Variants in HPF1 observed in about 807,000 individuals in gnomAD.
HPF1 encodes UPF0609 protein C4orf27.
In HPF1, 35 loss-of-function variants were observed where a neutral mutation model predicts 38.8. The observed-to-expected ratio is 0.90, with a 90% confidence interval of 0.69 to 1.19. HPF1 has a LOEUF of 1.19. HPF1 is among the 50% of genes most tolerant of loss of function. The pLI, the probability that HPF1 is intolerant of heterozygous loss-of-function variation, is 0.00. For synonymous variants in HPF1, 115 were observed against 139.2 expected, an observed-to-expected ratio of 0.83 and a Z score of 1.22; for missense variants, 367 against 405.8, an observed-to-expected ratio of 0.90 and a Z score of 0.82.
chr4:169,740,566 T>A (rs1430952352), intron 5 of HPF1, among the ~76,000 whole-genome samples: 1 of 152,154 alleles, frequency 6.6e-6, no homozygotes, highest in Non-Finnish European at 1.5e-5. Flanking sequence ...TCAATGAAGA[T>A]CTCACAAAAA....
chr4:169,757,849 G>A lies in HPF1; in HGVS notation c.29C>T (p.Pro10Leu), dbSNP rs747837401. Residue 10 changes from proline to leucine, a missense_variant, in exon 1 of 8, where the codon CCC becomes CTC. Pro to Leu is a moderately conservative substitution (Grantham distance 98). Coordinates refer to ENST00000393381, the MANE Select transcript of HPF1 (RefSeq NM_017867.3). ...CAGTACCTGCGGCCCCTCTCCGCCG[G>A]GCCTGCGCTTCCCGCCACCGCCGAC... MVGGGGKRR[P>L]GGEGPQCEKT... is the part of the protein sequence containing the mutation. 1.2e-5 allele frequency: 19 copies of A among 1,565,114 alleles called. No homozygotes were observed. The East Asian group carries it at 2.4e-4, about 19-fold the overall frequency.
At chr4:169,743,739 TGAGG>T (rs1734010250) in intron 4 of HPF1, among the ~76,000 whole-genome samples, 1 of 151,976 alleles carries the variant, frequency 6.6e-6, no homozygotes, top group African/African-American at 2.4e-5. Context: ...GGAAGAAGGC[TGAGG>T]GAGTAACAAC....
At chr4:169,732,023 C>T in intron 6 of HPF1, 147 bp from the exon 7 acceptor site, 4 of 555,950 alleles carry the variant, frequency 7.2e-6, no homozygotes, top group Non-Finnish European at 1.2e-5. Flanking sequence ...GTCTTCAGCA[C>T]TCTAATTTAG....
At chr4:169,731,938 A>G in intron 6 of HPF1, 62 bp from the exon 7 acceptor site, 1 of 1,358,430 alleles carries the variant, frequency 7.4e-7, no homozygotes, top group Non-Finnish European at 1.0e-6. Context: ...CAGTCTTCAA[A>G]AGTAAGAAGA....
intron 2 of HPF1, among the ~76,000 whole-genome samples, chr4:169,752,171 T>TC (rs1380347788): frequency 2.8e-5 from 4 of 143,370 alleles, no homozygotes; most frequent in African/African-American, 1.0e-4. Flanking sequence ...GGCATGACTT[T>TC]TTTTTTTTTT....
intron 6 of HPF1, among the ~76,000 whole-genome samples, chr4:169,733,891 T>C (rs902923727): frequency 5.0e-5 from 4 of 80,580 alleles, no homozygotes; most frequent in Non-Finnish European, 1.1e-4. Context: ...TAAGACCCTG[T>C]CTCAAAAAAA....
At chr4:169,735,111 G>C (rs934121220) in intron 6 of HPF1, among the ~76,000 whole-genome samples, 2 of 131,986 alleles carry the variant, frequency 1.5e-5, no homozygotes, top group African/African-American at 6.1e-5. Flanking sequence ...TGGGTGACAA[G>C]AGCAAAATTC....
chr4:169,730,468 T>C lies in HPF1; in HGVS notation c.910-759A>G, dbSNP rs138763311. Among the ~76,000 whole-genome samples, 291 of 152,340 alleles carry C rather than the reference T, an allele frequency of 1.9e-3. 2 individuals carry two copies. The highest frequency in any genetic ancestry group is 5.8e-3 in the African/African-American group (242 of 41,564). ...TAAGCATTTTGATTATTTTTACTGA[T>C]AACTATCTATGAGGTGGGCAAAGAA... On this transcript the variant is annotated intron_variant, in intron 7 of 7. Coordinates refer to ENST00000393381, the MANE Select transcript of HPF1 (RefSeq NM_017867.3).
chr4:169,757,838 C>G lies in HPF1; in HGVS notation c.40G>C (p.Gly14Arg), dbSNP rs1734210476. 2 of 1,564,786 alleles carry G rather than the reference C, an allele frequency of 1.3e-6. No homozygotes were observed. Among genetic ancestry groups the G allele is most frequent in the African/African-American group, 2.7e-5 (2 of 73,788 alleles). Residue 14 changes from glycine to arginine, a missense_variant, in exon 1 of 8, where the codon GGG (glycine) becomes CGG (arginine). Transcript: ENST00000393381. ...AGCCTTTCCGGCAGTACCTGCGGCC[C>G]CTCTCCGCCGGGCCTGCGCTTCCCG... ...GGGKRRPGGE[G>R]PQCEKTTDVK...
At chr4:169,743,457 T>G (rs1338812503) in intron 4 of HPF1, among the ~76,000 whole-genome samples, 2 of 135,188 alleles carry the variant, frequency 1.5e-5, no homozygotes, top group Non-Finnish European at 3.1e-5. Context: ...GACAGGACAC[T>G]ATTATAACAC....
At chr4:169,737,842 T>G in intron 5 of HPF1, 95 bp from the exon 6 acceptor site, 1 of 792,100 alleles carries the variant, frequency 1.3e-6, no homozygotes, top group Non-Finnish European at 2.2e-6. Context: ...TCTGCCAAAA[T>G]GTAACATTTA....
At chr4:169,750,168 G>A (rs1347654907) in intron 3 of HPF1, among the ~76,000 whole-genome samples, 2 of 152,134 alleles carry the variant, frequency 1.3e-5, no homozygotes, top group Non-Finnish European at 2.9e-5. Flanking sequence ...ATGATACAGG[G>A]TCACACAGAT....
intron 5 of HPF1, among the ~76,000 whole-genome samples, chr4:169,739,972 C>T (rs1370017760): frequency 6.6e-6 from 1 of 152,004 alleles, no homozygotes; most frequent in Admixed American, 6.6e-5. Flanking sequence ...TACTAATTGT[C>T]CATGAAGAGG....
At chr4:169,752,217 C>T (rs1200716919) in intron 2 of HPF1, among the ~76,000 whole-genome samples, 3 of 129,724 alleles carry the variant, frequency 2.3e-5, no homozygotes, top group Non-Finnish European at 4.7e-5. Context: ...GTCACCCAGA[C>T]TGGAGTGCAG....
rs1734105433 is a variant in HPF1 at position 169,750,640 on chromosome 4, T to C, written c.294A>G (p.Thr98=). The change falls in exon 3 of 8, where the codon ACA becomes ACG. Residue 98 remains threonine, a synonymous_variant. Transcript: ENST00000393381. The part of the protein sequence containing the change: ...AGKHKTKKKS[T]GLNFNLHWRF... ...TCCAGTGAAGGTTAAAATTCAGGCCTGTTGATTTTTTCTTCGTTTTATGTT... is the reference window on the plus strand; with the variant it reads ...TCCAGTGAAGGTTAAAATTCAGGCCCGTTGATTTTTTCTTCGTTTTATGTT... 2.5e-6 allele frequency: 4 copies of C among 1,613,790 alleles called. No individual in the cohort carries two copies. In the South Asian group the frequency reaches 4.4e-5, roughly 18 times the overall value.
chr4:169,743,235 G>A (rs575314066), intron 4 of HPF1, among the ~76,000 whole-genome samples: 2 of 151,672 alleles, frequency 1.3e-5, no homozygotes, highest in African/African-American at 2.4e-5. Flanking sequence ...TCAGCCTCCC[G>A]AGTAGCTGGG....
chr4:169,748,986 T>C, intron 3 of HPF1, 144 bp from the exon 4 acceptor site: 2 of 485,146 alleles, frequency 4.1e-6, no homozygotes, highest in Admixed American at 4.3e-5. Flanking sequence ...ATACCAGAAT[T>C]TATCGATTAC....
rs749327076 is a variant in HPF1 at position 169,750,517 on chromosome 4, C to T, written c.398+19G>A. On this transcript the variant is annotated intron_variant, in intron 3 of 7. Transcript: ENST00000393381. ...CAGGACAGCAGCTGTATTTTAGAGGCGAAGAAAAGATCCTTTACCTGAAAT... is the reference window on the plus strand; with the variant it reads ...CAGGACAGCAGCTGTATTTTAGAGGTGAAGAAAAGATCCTTTACCTGAAAT... 29 of 1,544,266 alleles carry T rather than the reference C, an allele frequency of 1.9e-5. No homozygotes were observed. The highest frequency in any genetic ancestry group is 1.2e-4 in the African/African-American group (9 of 72,442).
chr4:169,746,991 T>TAA (rs143447278), intron 4 of HPF1, among the ~76,000 whole-genome samples: 3,951 of 139,488 alleles, frequency 0.028, 90 homozygotes, highest in Non-Finnish European at 0.044. Flanking sequence ...TTATCTTTTT[T>TAA]TAAAAAAAAA....
Sources: allele counts gnomAD v4.1 joint callset (sites outside exome capture counted in the v4.1 genomes callset), GRCh38; gene constraint gnomAD v4.1.1; transcripts MANE v1.5; gene names NCBI Gene and HGNC (gene_info 2026-07-23, HGNC 2026-07-21).